Variants in AMBRA1 observed in about 807,000 individuals in gnomAD.
The protein encoded by AMBRA1 is autophagy and beclin 1 regulator 1.
In AMBRA1, 47 loss-of-function variants were observed where a neutral mutation model predicts 125.4. The observed-to-expected ratio is 0.37, with a 90% confidence interval of 0.30 to 0.48. The LOEUF (loss-of-function observed/expected upper bound fraction) is 0.48. AMBRA1 is among the 20% of genes least tolerant of loss of function. The pLI is 0.99. For synonymous variants in AMBRA1, 626 were observed against 655.5 expected, an observed-to-expected ratio of 0.95 and a Z score of 0.69; for missense variants, 1,331 against 1,693.4, an observed-to-expected ratio of 0.79 and a Z score of 3.76.
At chr11:46,539,893 G>A (rs1312187805) in intron 7 of AMBRA1, among the ~76,000 whole-genome samples, 4 of 151,908 alleles carry the variant, frequency 2.6e-5, no homozygotes, top group Non-Finnish European at 4.4e-5. Flanking sequence ...GTGCAGTGGC[G>A]TGATCTTGGC....
intron 8 of AMBRA1, among the ~76,000 whole-genome samples, chr11:46,512,441 G>C (rs1951296323): frequency 4.6e-5 from 7 of 152,158 alleles, no homozygotes; most frequent in Admixed American, 4.6e-4. Context: ...AACAGAAAAA[G>C]AGTATCCTAT....
intron 7 of AMBRA1, among the ~76,000 whole-genome samples, chr11:46,523,407 T>C (rs116498699): frequency 7.0e-4 from 107 of 152,240 alleles, no homozygotes; most frequent in African/African-American, 2.5e-3. Context: ...GTACAATTAG[T>C]AGAGAAACTG....
intron 7 of AMBRA1, among the ~76,000 whole-genome samples, chr11:46,521,596 G>A (rs1951763929): frequency 1.3e-5 from 2 of 152,228 alleles, no homozygotes; most frequent in South Asian, 2.1e-4. Context: ...GTTCTGAAAC[G>A]ACACCTCTAT....
chr11:46,548,511 AAAG>A lies in AMBRA1; in HGVS notation c.-120-14_-120-12del. ...TGTCCTCATGGAAATCTTAAGGAAC[AAAG>A]AATAATGTCAAAGAACGACTTCTGC... On this transcript the variant is annotated splice_polypyrimidine_tract_variant and intron_variant, in intron 1 of 17. Transcript: ENST00000683756. 6.0e-6 allele frequency: 7 copies of A among 1,157,146 alleles called. No individual in the cohort carries two copies. In the South Asian group the frequency reaches 1.3e-4, roughly 21 times the overall value. 71.7% of individuals were successfully genotyped at this position (1,157,146 alleles called of 1,614,324 possible).
chr11:46,570,839 T>C (rs2043731651), intron 1 of AMBRA1, among the ~76,000 whole-genome samples: 1 of 152,180 alleles, frequency 6.6e-6, no homozygotes, highest in African/African-American at 2.4e-5. Context: ...TCAACTATTT[T>C]TGTCCATTTA....
intron 1 of AMBRA1, among the ~76,000 whole-genome samples, chr11:46,561,988 G>A (rs2043354334): frequency 6.6e-6 from 1 of 152,216 alleles, no homozygotes; most frequent in Non-Finnish European, 1.5e-5. Context: ...TCTAGGCACT[G>A]AGGATACTAT....
intron 14 of AMBRA1, among the ~76,000 whole-genome samples, chr11:46,429,697 A>G (rs781619834): frequency 6.6e-6 from 1 of 152,142 alleles, no homozygotes; most frequent in Admixed American, 6.5e-5. Flanking sequence ...AACCAAAGTT[A>G]TTATACTGTG....
At chr11:46,563,863 G>C (rs1262969202) in intron 1 of AMBRA1, among the ~76,000 whole-genome samples, 1 of 126,698 alleles carries the variant, frequency 7.9e-6, no homozygotes, top group East Asian at 2.3e-4. Flanking sequence ...AAAAAAAAAA[G>C]GCCAGGCGTG....
At chr11:46,451,363 T>C (rs999748123) in intron 11 of AMBRA1, among the ~76,000 whole-genome samples, 1 of 152,196 alleles carries the variant, frequency 6.6e-6, no homozygotes, top group Non-Finnish European at 1.5e-5. Flanking sequence ...AGTCACATGA[T>C]AGGTGAGCTC....
chr11:46,409,080 A>C (rs1946159351), intron 16 of AMBRA1, among the ~76,000 whole-genome samples: 1 of 152,238 alleles, frequency 6.6e-6, no homozygotes, highest in South Asian at 2.1e-4. Context: ...AAGAGTGAGC[A>C]CTAGAAGAAG....
chr11:46,438,145 A>G (rs953814503), intron 12 of AMBRA1, among the ~76,000 whole-genome samples: 24 of 152,220 alleles, frequency 1.6e-4, no homozygotes, highest in African/African-American at 5.3e-4. Flanking sequence ...TTGGAAAAAA[A>G]TGATGGGGTA....
At chr11:46,460,324 CTT>C (rs397847968) in intron 11 of AMBRA1, among the ~76,000 whole-genome samples, 105 of 139,852 alleles carry the variant, frequency 7.5e-4, no homozygotes, top group African/African-American at 2.1e-3. Context: ...AAACACAACT[CTT>C]TTTTTTTTTT....
chr11:46,398,283 T>A (rs1366468460), intron 17 of AMBRA1, among the ~76,000 whole-genome samples: 1 of 152,204 alleles, frequency 6.6e-6, no homozygotes, highest in Non-Finnish European at 1.5e-5. Flanking sequence ...ACAGCTGGTT[T>A]TGTCTGCCTG....
chr11:46,507,378 C>A (rs1399511679), intron 9 of AMBRA1, among the ~76,000 whole-genome samples: 1 of 150,648 alleles, frequency 6.6e-6, no homozygotes, highest in Non-Finnish European at 1.5e-5. Flanking sequence ...ACTCAGGAGG[C>A]TGAGGCAGGA....
chr11:46,434,994 A>G lies in AMBRA1; in HGVS notation c.2676T>C (p.Asp892=), dbSNP rs777721218. The G allele has an allele frequency of 8.9e-5, 143 of 1,613,450 alleles. No individual in the cohort carries two copies. Among genetic ancestry groups the G allele is most frequent in the Non-Finnish European group, 1.1e-4 (134 of 1,179,792 alleles). Residue 892 remains aspartate (D), a synonymous_variant, in exon 13 of 18, where the codon GAT becomes GAC. Coordinates refer to ENST00000683756, the MANE Select transcript of AMBRA1 (RefSeq NM_001387011.1). ...VLVQNCKIYN[D]ASCDISADGQ... is the part of the protein sequence containing the mutation. ...CATCTGCAGAAATGTCACAGCTGGC[A>G]TCATTGTAGATCTTGCAGTTCTGCA...
intron 1 of AMBRA1, among the ~76,000 whole-genome samples, chr11:46,590,050 T>C (rs557705711): frequency 6.6e-6 from 1 of 152,164 alleles, no homozygotes; most frequent in Admixed American, 6.5e-5. Flanking sequence ...TCCTAACACA[T>C]ATTGAAAATA....
chr11:46,583,397 G>C (rs538086550), intron 1 of AMBRA1, among the ~76,000 whole-genome samples: 1 of 151,538 alleles, frequency 6.6e-6, no homozygotes, highest in Non-Finnish European at 1.5e-5. Context: ...CCATAAAAAC[G>C]CTAGAAGAAA....
At chr11:46,569,332 T>C (rs2043663465) in intron 1 of AMBRA1, among the ~76,000 whole-genome samples, 1 of 147,556 alleles carries the variant, frequency 6.8e-6, no homozygotes, top group Non-Finnish European at 1.5e-5. Flanking sequence ...ATGCATATAA[T>C]AGTTTTTGTT....
intron 12 of AMBRA1, among the ~76,000 whole-genome samples, chr11:46,442,698 T>C (rs995092294): frequency 2.0e-5 from 3 of 152,148 alleles, no homozygotes; most frequent in African/African-American, 7.2e-5. Flanking sequence ...ATATCAACCA[T>C]ACCATTGAGA....
Sources: allele counts gnomAD v4.1 joint callset (sites outside exome capture counted in the v4.1 genomes callset), GRCh38; gene constraint gnomAD v4.1.1; transcripts MANE v1.5; gene names NCBI Gene and HGNC (gene_info 2026-07-23, HGNC 2026-07-21).